Variants in PLCH1 observed in about 807,000 individuals in gnomAD.
PLCH1 encodes the protein 1-phosphatidylinositol 4,5-bisphosphate phosphodiesterase eta-1.
PLCH1 carries 60 observed loss-of-function variants against 126.7 expected under a neutral mutation model. The observed-to-expected ratio is 0.47, with a 90% confidence interval of 0.38 to 0.59. The LOEUF (loss-of-function observed/expected upper bound fraction) is 0.59, where lower values mean the gene tolerates loss of function less well. Ranked by LOEUF, PLCH1 falls within the 20% of genes least tolerant of loss-of-function variation. The pLI is 0.00. For missense variants in PLCH1, 1,723 were observed against 2,040.0 expected (o/e 0.84, Z 2.99); for synonymous variants, 719 against 734.9 (o/e 0.98, Z 0.35).
intron 6 of PLCH1, among the ~76,000 whole-genome samples, chr3:155,568,951 T>A (rs1358190385): frequency 6.6e-6 from 1 of 152,174 alleles, no homozygotes; most frequent in African/African-American, 2.4e-5. Context: ...TTATTAATAG[T>A]GTGACATTGA....
At position 155,586,179 on chromosome 3, in the gene PLCH1, G is replaced by C; in HGVS notation, c.486C>G (p.Thr162=). ...CACCATTCTTATCAGCTTCCTCAAA[G>C]GTCTGCTTCACCCATGTGCAGAAAG... ...QRTHDQWVKQ[T]FEEADKNGDG... is the part of the protein sequence containing the mutation. Residue 162 remains threonine, a synonymous_variant, in exon 5 of 23, where the codon ACC becomes ACG. Transcript: ENST00000460012. 6.2e-7 allele frequency: 1 copy of C among 1,614,024 alleles called. No individual in the cohort carries two copies. The highest frequency in any genetic ancestry group is 1.7e-5 in the Admixed American group (1 of 60,008).
intron 21 of PLCH1, among the ~76,000 whole-genome samples, chr3:155,455,251 C>T (rs1453050600): frequency 6.6e-6 from 1 of 152,152 alleles, no homozygotes; most frequent in African/African-American, 2.4e-5. Flanking sequence ...CCTCACCCTG[C>T]CACTGGTTGC....
At chr3:155,702,440 A>G (rs556899796) in intron 2 of PLCH1, among the ~76,000 whole-genome samples, 2 of 152,320 alleles carry the variant, frequency 1.3e-5, no homozygotes, top group African/African-American at 4.8e-5. Context: ...ACCATTTTAC[A>G]ATCTCCACAA....
At chr3:155,578,825 C>A (rs1730302213) in intron 6 of PLCH1, among the ~76,000 whole-genome samples, 1 of 152,066 alleles carries the variant, frequency 6.6e-6, no homozygotes, top group Non-Finnish European at 1.5e-5. Context: ...CTCCGGCCTT[C>A]CCCCCAGCCC....
chr3:155,475,091 C>CA (rs781764772), downstream of PLCH1, among the ~76,000 whole-genome samples: 11 of 145,448 alleles, frequency 7.6e-5, 1 homozygote, highest in Admixed American at 1.4e-4. Flanking sequence ...AAAAAAAAGA[C>CA]AAAAAAATGG....
chr3:155,714,235 A>G (rs1747349684), intron 1 of PLCH1, among the ~76,000 whole-genome samples: 1 of 143,446 alleles, frequency 7.0e-6, no homozygotes, highest in Admixed American at 6.8e-5. Context: ...CTCCTTTCTC[A>G]TTTCTCCATT....
At chr3:155,596,165 A>G (rs1732953596) in intron 3 of PLCH1, 67 bp downstream of exon 3, 1 of 1,158,494 alleles carries the variant, frequency 8.6e-7, no homozygotes, top group Admixed American at 2.0e-5. Flanking sequence ...AAGCTTCAAG[A>G]GCCCACTCAG....
At chr3:155,658,835 T>C (rs1741750007) in intron 2 of PLCH1, among the ~76,000 whole-genome samples, 1 of 152,218 alleles carries the variant, frequency 6.6e-6, no homozygotes, top group Admixed American at 6.5e-5. Flanking sequence ...TAGTCACACA[T>C]ATAATTGTAC....
At chr3:155,729,708 A>T (rs1024938322) in intron 1 of PLCH1, among the ~76,000 whole-genome samples, 1 of 152,194 alleles carries the variant, frequency 6.6e-6, no homozygotes, top group Non-Finnish European at 1.5e-5. Flanking sequence ...AGATGGCTTG[A>T]GCCCAGCAGT....
chr3:155,451,194 A>G lies in PLCH1; in HGVS notation c.2938+34162T>C, dbSNP rs141648764. On this transcript the variant is annotated intron_variant, in intron 21 of 21. Transcript: ENST00000494598. ...TAATAAATATAGAAGAAATAACAGAAATATAAAATCATCATTTGATAACAT... is the reference window on the plus strand; with the variant it reads ...TAATAAATATAGAAGAAATAACAGAGATATAAAATCATCATTTGATAACAT... 8.1e-3 allele frequency among the ~76,000 whole-genome samples: 1,227 copies of G among 152,300 alleles called. 13 individuals are homozygous for G. Among genetic ancestry groups the G allele is most frequent in the South Asian group, 0.046 (224 of 4,826 alleles).
At chr3:155,468,212 T>C (rs2107979267) in intron 21 of PLCH1, among the ~76,000 whole-genome samples, 1 of 152,306 alleles carries the variant, frequency 6.6e-6, no homozygotes, top group Non-Finnish European at 1.5e-5. Flanking sequence ...AGATAGTATT[T>C]GCAAGCCTCA....
chr3:155,706,667 T>G (rs1277269725), intron 1 of PLCH1, among the ~76,000 whole-genome samples: 1 of 150,780 alleles, frequency 6.6e-6, no homozygotes, highest in Non-Finnish European at 1.5e-5. Flanking sequence ...CCTCAAAAGG[T>G]AGAATCTAAA....
At chr3:155,489,716 C>A (rs1375177880) in intron 19 of PLCH1, among the ~76,000 whole-genome samples, 1 of 152,154 alleles carries the variant, frequency 6.6e-6, no homozygotes, top group Non-Finnish European at 1.5e-5. Flanking sequence ...TGGTAAAATT[C>A]TCTCCAATAA....
At chr3:155,489,532 G>A (rs1715849386) in intron 19 of PLCH1, among the ~76,000 whole-genome samples, 1 of 152,130 alleles carries the variant, frequency 6.6e-6, no homozygotes, top group African/African-American at 2.4e-5. Context: ...GGCCACACAA[G>A]GCCTTATAGT....
chr3:155,668,151 A>T lies in PLCH1; in HGVS notation c.79+35995T>A, dbSNP rs140264761. Reference sequence around the variant, plus strand: ...AATACAAAGAGAATGCTAGTCAGGAACTGCTAACACTATTTGCAGTAACAA... The same window carrying T: ...AATACAAAGAGAATGCTAGTCAGGATCTGCTAACACTATTTGCAGTAACAA... On this transcript the variant is annotated intron_variant, in intron 2 of 22. Coordinates refer to ENST00000460012, the MANE Select transcript of PLCH1 (RefSeq NM_014996.4). Among the ~76,000 whole-genome samples the T allele has an allele frequency of 2.8e-4, 43 of 152,022 alleles. No individual in the cohort carries two copies. The East Asian group carries it at 8.1e-3, about 29-fold the overall frequency.
At chr3:155,467,263 A>T (rs1017675064) in intron 21 of PLCH1, among the ~76,000 whole-genome samples, 8 of 151,936 alleles carry the variant, frequency 5.3e-5, no homozygotes, top group Non-Finnish European at 7.4e-5. Context: ...CCAAAAAAAA[A>T]AAATAAAAAA....
rs138538638 is a variant in PLCH1, at chr3:155,549,936, C to T, written c.1213G>A (p.Glu405Lys). 26 of 1,613,614 alleles carry T rather than the reference C, an allele frequency of 1.6e-5. No individual in the cohort carries two copies. The highest frequency in any genetic ancestry group is 5.1e-6 in the Non-Finnish European group (6 of 1,179,858). The part of the protein sequence containing the change: ...KNEFPVILSI[E>K]NHCSIQQQRK... ...TGCTGCTGGATACTGCAGTGATTCT[C>T]GATAGACAATATAACAGGAAACCTG... Residue 405 changes from glutamate to lysine, a missense_variant, in exon 10 of 23, where the codon GAG (glutamate) becomes AAG (lysine). Physicochemically the swap from Glu to Lys is moderately conservative, Grantham distance 56. Around this residue, in one of 2 missense-constraint regions of PLCH1, gnomAD observed 776 missense variants for 1,062.9 expected, o/e 0.73. Transcript: ENST00000460012.
At chr3:155,540,648 A>G (rs1724106471) in intron 10 of PLCH1, among the ~76,000 whole-genome samples, 1 of 152,186 alleles carries the variant, frequency 6.6e-6, no homozygotes, top group African/African-American at 2.4e-5. Flanking sequence ...AAAATGCTCA[A>G]CATCACTAAT....
At chr3:155,574,080 AT>A (rs1214313118) in intron 6 of PLCH1, among the ~76,000 whole-genome samples, 1 of 151,840 alleles carries the variant, frequency 6.6e-6, no homozygotes, top group Non-Finnish European at 1.5e-5. Flanking sequence ...CGCCCAGATA[AT>A]TTTTTGCATT....
Sources: allele counts gnomAD v4.1 joint callset (sites outside exome capture counted in the v4.1 genomes callset), GRCh38; gene constraint gnomAD v4.1.1; regional missense constraint gnomAD v4.1.1; transcripts MANE v1.5; gene names NCBI Gene and HGNC (gene_info 2026-07-23, HGNC 2026-07-21).